Variants in TCF4 observed in about 807,000 individuals in gnomAD.
The protein encoded by TCF4 is transcription factor 4, also known as SL3-3 enhancer factor 2.
A neutral mutation model predicts 82.1 loss-of-function variants in TCF4; 3 were observed. That is an observed-to-expected ratio of 0.04 (90% CI 0.02 to 0.09). TCF4 has a LOEUF of 0.09. Ranked by LOEUF, TCF4 falls within the 10% of genes least tolerant of loss-of-function variation. The probability of loss-of-function intolerance (pLI) is 1.00; values close to 1 mark genes in which losing one functional copy is unlikely to be tolerated. For synonymous variants in TCF4, 276 were observed against 309.6 expected (o/e 0.89, Z 1.14); for missense variants, 518 against 852.7 (o/e 0.61, Z 4.89).
At chr18:55,412,037 A>C (rs917635460) in intron 5 of TCF4, among the ~76,000 whole-genome samples, 5 of 152,088 alleles carry the variant, frequency 3.3e-5, no homozygotes, top group African/African-American at 9.7e-5. Context: ...CACCATGCCC[A>C]ACAGATTTTT....
chr18:55,624,984 T>C (rs960368482), intron 2 of TCF4, among the ~76,000 whole-genome samples: 1 of 152,186 alleles, frequency 6.6e-6, no homozygotes, highest in Admixed American at 6.5e-5. Context: ...TAGCCGACTT[T>C]TTTTTGGTAC....
At chr18:55,475,618 C>G (rs1404070968) in intron 3 of TCF4, among the ~76,000 whole-genome samples, 1 of 152,234 alleles carries the variant, frequency 6.6e-6, no homozygotes, top group Non-Finnish European at 1.5e-5. Context: ...ATAATGCCCT[C>G]AAGTCTCACT....
At chr18:55,437,023 T>C (rs2095343795) in intron 5 of TCF4, among the ~76,000 whole-genome samples, 1 of 152,248 alleles carries the variant, frequency 6.6e-6, no homozygotes, top group African/African-American at 2.4e-5. Flanking sequence ...ACAACCAATA[T>C]TGAAGCTAAT....
At chr18:55,471,344 A>G (rs2096174503) in intron 3 of TCF4, among the ~76,000 whole-genome samples, 1 of 152,218 alleles carries the variant, frequency 6.6e-6, no homozygotes, top group Non-Finnish European at 1.5e-5. Flanking sequence ...AGAAGCTTCC[A>G]GCACTTCCCA....
intron 8 of TCF4, chr18:55,321,954 C>CA: frequency 7.5e-7 from 1 of 1,341,518 alleles, no homozygotes; most frequent in Non-Finnish European, 9.5e-7. Flanking sequence ...AGCTGGAAGG[C>CA]AGCCCGGCCC....
intron 8 of TCF4, chr18:55,302,758 G>A (rs1050053314): frequency 2.4e-5 from 16 of 668,616 alleles, no homozygotes; most frequent in African/African-American, 9.1e-5. Flanking sequence ...GGCATGAGGC[G>A]TCCCCTGGAT....
intron 8 of TCF4, among the ~76,000 whole-genome samples, chr18:55,311,907 T>C (rs1023839732): frequency 6.6e-6 from 1 of 152,216 alleles, no homozygotes; most frequent in East Asian, 1.9e-4. Flanking sequence ...ATGAAATCTA[T>C]CCATCTATCT....
At chr18:55,485,669 T>A (rs1448701361) in intron 3 of TCF4, among the ~76,000 whole-genome samples, 1 of 152,200 alleles carries the variant, frequency 6.6e-6, no homozygotes, top group Non-Finnish European at 1.5e-5. Flanking sequence ...CTAAAAAGCA[T>A]TTTTTCTTTT....
chr18:55,379,670 A>ATGAT (rs1440326810), intron 6 of TCF4, among the ~76,000 whole-genome samples: 1 of 152,200 alleles, frequency 6.6e-6, no homozygotes, highest in African/African-American at 2.4e-5. Flanking sequence ...ACTCGGCTTG[A>ATGAT]TGATCATTTT....
chr18:55,588,169 C>T lies in TCF4; in HGVS notation c.-152G>A. 8.9e-7 allele frequency: 1 copy of T among 1,121,116 alleles called. No homozygotes were observed. The highest frequency in any genetic ancestry group is 1.1e-6 in the Non-Finnish European group (1 of 922,774). The allele number at this position is 1,121,116 out of a possible 1,614,324, so 69.4% of individuals were successfully genotyped here. On this transcript the variant is annotated 5_prime_UTR_variant, in exon 1 of 20. Transcript: ENST00000354452. ...GCCTGCTGCCTCCCCGCCGCCGCCG[C>T]CGCCGCCGCCACTACAGATCCGCAG...
upstream of TCF4, chr18:55,589,226 A>G (rs2097678483): frequency 9.8e-7 from 1 of 1,023,318 alleles, no homozygotes. Context: ...TTAATAAAAC[A>G]TCGGGATCGA....
At chr18:55,459,680 C>A (rs900320344) in intron 5 of TCF4, among the ~76,000 whole-genome samples, 1 of 152,166 alleles carries the variant, frequency 6.6e-6, no homozygotes, top group African/African-American at 2.4e-5. Context: ...ATAAATATAT[C>A]TGGTCACCTG....
At chr18:55,276,801 A>C (rs1188202746) in intron 9 of TCF4, among the ~76,000 whole-genome samples, 1 of 152,214 alleles carries the variant, frequency 6.6e-6, no homozygotes, top group Non-Finnish European at 1.5e-5. Context: ...TATATAGTAA[A>C]GGCCTATTAA....
At chr18:55,251,934 T>TTTTTTG (rs1434646121) in intron 15 of TCF4, among the ~76,000 whole-genome samples, 2 of 150,730 alleles carry the variant, frequency 1.3e-5, no homozygotes, top group African/African-American at 4.9e-5. Flanking sequence ...GATGAGGTTT[T>TTTTTTG]TTTTTTTTTT....
chr18:55,529,851 C>A (rs2097038402), intron 3 of TCF4, among the ~76,000 whole-genome samples: 1 of 152,136 alleles, frequency 6.6e-6, no homozygotes, highest in Non-Finnish European at 1.5e-5. Flanking sequence ...CATTACAAAG[C>A]CCTCCTTGTG....
intron 5 of TCF4, among the ~76,000 whole-genome samples, chr18:55,448,048 T>A (rs2095557313): frequency 6.6e-6 from 1 of 152,146 alleles, no homozygotes; most frequent in Non-Finnish European, 1.5e-5. Flanking sequence ...TGTATCTGAA[T>A]ATTAGAATGC....
At chr18:55,499,466 A>G (rs2096673357) in intron 3 of TCF4, among the ~76,000 whole-genome samples, 1 of 152,240 alleles carries the variant, frequency 6.6e-6, no homozygotes. Flanking sequence ...AGGGTAAAGC[A>G]TATTCTAAAA....
intron 3 of TCF4, among the ~76,000 whole-genome samples, chr18:55,474,563 A>C (rs1242837811): frequency 2.0e-5 from 3 of 152,152 alleles, no homozygotes; most frequent in Non-Finnish European, 4.4e-5. Context: ...CTAAAAGGAT[A>C]ATTTATAATC....
intron 14 of TCF4, among the ~76,000 whole-genome samples, chr18:55,256,171 C>G (rs2056777035): frequency 6.6e-6 from 1 of 152,192 alleles, no homozygotes; most frequent in South Asian, 2.1e-4. Flanking sequence ...TTCTGGCTCA[C>G]AGCTTCCTGG....
Sources: allele counts gnomAD v4.1 joint callset (sites outside exome capture counted in the v4.1 genomes callset), GRCh38; gene constraint gnomAD v4.1.1; transcripts MANE v1.5; gene names NCBI Gene and HGNC (gene_info 2026-07-23, HGNC 2026-07-21).